Variants in JAZF1 observed in about 807,000 individuals in gnomAD.
The protein encoded by JAZF1 is juxtaposed with another zinc finger protein 1.
Under a neutral mutation model 26.4 loss-of-function variants are expected in JAZF1, and 8 were observed. The ratio of observed to expected loss-of-function variants is 0.30; its 90% CI spans 0.18 to 0.55. The LOEUF (loss-of-function observed/expected upper bound fraction) is 0.55. JAZF1 is among the 20% of genes least tolerant of loss of function. The pLI, the probability that JAZF1 is intolerant of heterozygous loss-of-function variation, is 0.94. For synonymous variants in JAZF1, 126 were observed against 122.3 expected, an observed-to-expected ratio of 1.03 and a Z score of -0.20; for missense variants, 199 against 322.0, an observed-to-expected ratio of 0.62 and a Z score of 2.92.
chr7:28,018,483 C>T (rs1426501295), intron 1 of JAZF1, among the ~76,000 whole-genome samples: 1 of 152,206 alleles, frequency 6.6e-6, no homozygotes, highest in African/African-American at 2.4e-5. Context: ...ACATGTCACA[C>T]TTTGCCAGGG....
intron 1 of JAZF1, among the ~76,000 whole-genome samples, chr7:28,059,515 G>T (rs542753046): frequency 1.7e-3 from 264 of 152,142 alleles, no homozygotes; most frequent in African/African-American, 6.1e-3. Flanking sequence ...ACATATTTTG[G>T]TTTTTTAAGC....
chr7:28,027,711 G>A (rs2128374265), intron 1 of JAZF1, among the ~76,000 whole-genome samples: 1 of 152,256 alleles, frequency 6.6e-6, no homozygotes, highest in Non-Finnish European at 1.5e-5. Flanking sequence ...AGGCCAGGCT[G>A]GGTACTTATA....
At chr7:27,918,464 T>C (rs902194090) in intron 2 of JAZF1, among the ~76,000 whole-genome samples, 1 of 152,164 alleles carries the variant, frequency 6.6e-6, no homozygotes, top group Non-Finnish European at 1.5e-5. Context: ...ATCAGAGACT[T>C]AGGAGGGCAG....
chr7:28,026,329 A>C (rs1783093419), intron 1 of JAZF1, among the ~76,000 whole-genome samples: 1 of 152,192 alleles, frequency 6.6e-6, no homozygotes, highest in South Asian at 2.1e-4. Context: ...CAGTGGAGGA[A>C]GTCTGTTTTT....
intron 3 of JAZF1, among the ~76,000 whole-genome samples, chr7:27,885,699 C>T (rs73083390): frequency 0.059 from 8,922 of 152,114 alleles, 369 homozygotes; most frequent in Middle Eastern, 0.085. Flanking sequence ...TTTGGTCCCA[C>T]AGACACTTTA....
At chr7:27,962,876 T>A (rs1346861066) in intron 2 of JAZF1, among the ~76,000 whole-genome samples, 1 of 152,214 alleles carries the variant, frequency 6.6e-6, no homozygotes, top group Non-Finnish European at 1.5e-5. Context: ...ATCCTACATA[T>A]GCCTTTCTGA....
chr7:28,019,003 G>T (rs1782950652), intron 1 of JAZF1, among the ~76,000 whole-genome samples: 1 of 152,172 alleles, frequency 6.6e-6, no homozygotes, highest in Non-Finnish European at 1.5e-5. Flanking sequence ...AGTCACCTCT[G>T]AGCAGCTCCA....
intron 1 of JAZF1, among the ~76,000 whole-genome samples, chr7:28,027,469 T>C (rs147755849): frequency 1.4e-3 from 207 of 152,330 alleles, no homozygotes; most frequent in African/African-American, 4.8e-3. Flanking sequence ...AGAGTTACCA[T>C]TGGCATATTG....
At chr7:27,922,786 G>A (rs903951564) in intron 2 of JAZF1, among the ~76,000 whole-genome samples, 4 of 151,894 alleles carry the variant, frequency 2.6e-5, no homozygotes, top group African/African-American at 9.7e-5. Flanking sequence ...AAACCTCCTG[G>A]AGCACCCAGA....
chr7:28,029,051 A>C (rs997814538), intron 1 of JAZF1, among the ~76,000 whole-genome samples: 2 of 152,076 alleles, frequency 1.3e-5, no homozygotes, highest in Non-Finnish European at 2.9e-5. Context: ...AATCATGCAG[A>C]CATCTTTTGT....
intron 1 of JAZF1, among the ~76,000 whole-genome samples, chr7:28,171,522 G>A (rs527959247): frequency 6.6e-6 from 1 of 152,316 alleles, no homozygotes; most frequent in African/African-American, 2.4e-5. Flanking sequence ...AGGAAACAGT[G>A]CACAGGAGGT....
intron 3 of JAZF1, among the ~76,000 whole-genome samples, chr7:27,870,635 G>C (rs2128337859): frequency 6.6e-6 from 1 of 152,220 alleles, no homozygotes; most frequent in East Asian, 1.9e-4. Flanking sequence ...GGGGTGACCT[G>C]TCCCAGGTCA....
intron 1 of JAZF1, among the ~76,000 whole-genome samples, chr7:28,169,408 G>T (rs909257801): frequency 2.0e-5 from 3 of 152,178 alleles, no homozygotes; most frequent in African/African-American, 7.2e-5. Context: ...GTGTCAGAAA[G>T]ATCTTATTAA....
rs117915843 is a variant in JAZF1, at chr7:27,932,492, C to T, written c.189-37076G>A. 4.6e-5 allele frequency among the ~76,000 whole-genome samples: 7 copies of T among 152,206 alleles called. No individual in the cohort carries two copies. The East Asian group carries it at 9.7e-4, about 21-fold the overall frequency. ...GGTGGAAGAGAGGGTGCATCTTGTG[C>T]TCTCAATCAGCTGGAAACAATAAAT... On this transcript the variant is annotated intron_variant, in intron 2 of 4. Coordinates refer to ENST00000283928, the MANE Select transcript of JAZF1 (RefSeq NM_175061.4).
At chr7:28,024,807 C>A (rs1036944789) in intron 1 of JAZF1, among the ~76,000 whole-genome samples, 1 of 152,192 alleles carries the variant, frequency 6.6e-6, no homozygotes, top group African/African-American at 2.4e-5. Context: ...GCAGACAGAA[C>A]CTTTTCCTTC....
intron 1 of JAZF1, among the ~76,000 whole-genome samples, chr7:28,061,355 T>C (rs1364831835): frequency 6.6e-6 from 1 of 152,226 alleles, no homozygotes; most frequent in Non-Finnish European, 1.5e-5. Context: ...TATATAAACA[T>C]TTCTGCCAGT....
At chr7:27,944,434 AT>A (rs1450198482) in intron 2 of JAZF1, among the ~76,000 whole-genome samples, 1 of 152,216 alleles carries the variant, frequency 6.6e-6, no homozygotes, top group Non-Finnish European at 1.5e-5. Flanking sequence ...TTGTTGACAC[AT>A]TTTACTGAAA....
chr7:27,948,352 GA>G (rs1424833102), intron 2 of JAZF1, among the ~76,000 whole-genome samples: 1 of 152,154 alleles, frequency 6.6e-6, no homozygotes, highest in Non-Finnish European at 1.5e-5. Flanking sequence ...AATTTATACA[GA>G]GGGGCAGCTG....
intron 1 of JAZF1, among the ~76,000 whole-genome samples, chr7:28,086,794 G>T (rs914419967): frequency 1.5e-4 from 23 of 152,158 alleles, no homozygotes; most frequent in Admixed American, 1.4e-3. Context: ...CTACATAAAA[G>T]AATTAATAAG....
Sources: gnomAD v4.1 joint callset for allele counts (sites outside exome capture counted in the v4.1 genomes callset) on GRCh38, gnomAD v4.1.1 for gene constraint, MANE v1.5 for transcripts, NCBI Gene and HGNC (gene_info 2026-07-23, HGNC 2026-07-21) for gene names.